The following GALNT16 variants were observed in gnomAD, a reference collection of about 807,000 sequenced individuals.
GALNT16 encodes the protein polypeptide N-acetylgalactosaminyltransferase 16.
GALNT16 carries 40 observed loss-of-function variants against 76.1 expected under a neutral mutation model. The ratio of observed to expected loss-of-function variants is 0.53; its 90% CI spans 0.41 to 0.68. GALNT16 has a LOEUF of 0.68. Ranked by LOEUF, GALNT16 falls within the 30% of genes least tolerant of loss-of-function variation. The pLI, the probability that GALNT16 is intolerant of heterozygous loss-of-function variation, is 0.00. For synonymous variants in GALNT16, 276 were observed against 285.2 expected (o/e 0.97, Z 0.32); for missense variants, 621 against 731.9 (o/e 0.85, Z 1.75).
intron 2 of GALNT16, among the ~76,000 whole-genome samples, chr14:69,323,306 A>T (rs2045230811): frequency 6.6e-6 from 1 of 152,204 alleles, no homozygotes; most frequent in African/African-American, 2.4e-5. Context: ...GGCTCCTGGG[A>T]GCCAGATAAA....
Position 69,326,005 on chromosome 14 carries a change from C to T in GALNT16, c.546C>T (p.Cys182=). ...TGACCAGGATCCCCAAGGTCAAGTG[C>T]CTGCGCAATGATCGGCGGGAAGGTG... ...LLLTRIPKVK[C]LRNDRREGLI... The change falls in exon 5 of 15, where the codon TGC becomes TGT. Residue 182 remains cysteine (C), a synonymous_variant. Transcript: ENST00000448469. 1.2e-6 allele frequency: 2 copies of T among 1,613,968 alleles called. No homozygotes were observed. The highest frequency in any genetic ancestry group is 1.7e-6 in the Non-Finnish European group (2 of 1,179,872).
chr14:69,280,349 A>G (rs896099806), intron 1 of GALNT16, among the ~76,000 whole-genome samples: 1 of 152,216 alleles, frequency 6.6e-6, no homozygotes, highest in African/African-American at 2.4e-5. Context: ...GTGTTCATCC[A>G]TGTTGTAGCA....
chr14:69,329,882 A>AC (rs2045331582), intron 6 of GALNT16, among the ~76,000 whole-genome samples: 1 of 151,782 alleles, frequency 6.6e-6, no homozygotes, highest in Non-Finnish European at 1.5e-5. Context: ...TGACCCAAAC[A>AC]CCCCTAACTA....
chr14:69,296,732 A>AGATCGATC (rs553412908), intron 1 of GALNT16, among the ~76,000 whole-genome samples: 5 of 75,132 alleles, frequency 6.7e-5, no homozygotes, highest in East Asian at 3.6e-4. Flanking sequence ...GATAGATGAT[A>AGATCGATC]GATAGATAGA....
rs375649872 is a variant in GALNT16 at position 69,260,462 on chromosome 14, C to T, written c.172C>T (p.Leu58Phe). 53 of 1,491,220 alleles carry T rather than the reference C, an allele frequency of 3.6e-5. No individual in the cohort carries two copies. In the African/African-American group the frequency reaches 7.1e-4, roughly 20 times the overall value. 92.4% of individuals were successfully genotyped at this position (1,491,220 alleles called of 1,614,324 possible). Residue 58 changes from leucine to phenylalanine, a missense_variant, in exon 1 of 15, where the codon CTC (leucine) becomes TTC (phenylalanine). Physicochemically the swap from Leu to Phe is conservative, Grantham distance 22. Coordinates refer to ENST00000448469, the MANE Select transcript of GALNT16 (RefSeq NM_001168368.2). The stretch of plus-strand genomic sequence containing the variant: ...GCTCCGCGAGGACCGCACCATCCCG[C>T]TCATTGTGAGTACGCCCCGAGCGTC... ...EQLREDRTIP[L>F]IVTGTPSKGF...
the GALNT16 span, among the ~76,000 whole-genome samples, chr14:69,378,625 A>C: frequency 5.3e-5 from 8 of 152,170 alleles, no homozygotes; most frequent in African/African-American, 9.7e-5. Flanking sequence ...GCTTTTAATG[A>C]TTCCAAACAC....
In GALNT16 at chr14:69,347,168, C is replaced by G. The variant is rs760810166; in HGVS notation, c.1400C>G (p.Pro467Arg). Residue 467 changes from proline (P) to arginine (R), a missense_variant, in exon 13 of 15, where the codon CCG becomes CGG. Pro to Arg is a moderately radical substitution (Grantham distance 103, BLOSUM62 -2). Coordinates refer to ENST00000448469, the MANE Select transcript of GALNT16 (RefSeq NM_001168368.2). ...MGICRGSAKN[P>R]QPAQAWLFSD... ...ATCTGCAGAGGGTCTGCCAAGAACCCGCAGCCCGCCCAGGTAAGGACCTCG... is the reference window on the plus strand; with the variant it reads ...ATCTGCAGAGGGTCTGCCAAGAACCGGCAGCCCGCCCAGGTAAGGACCTCG... 3 of 1,609,202 alleles carry G rather than the reference C, an allele frequency of 1.9e-6. No individual in the cohort carries two copies. The African/African-American group carries it at 4.0e-5, about 22-fold the overall frequency.
downstream of GALNT16, chr14:69,356,264 G>A (rs2045691806): frequency 6.6e-6 from 1 of 152,234 alleles, no homozygotes; most frequent in Non-Finnish European, 1.5e-5. Context: ...AGCCATCTGA[G>A]GACAATTTCT....
upstream of GALNT16, chr14:69,259,866 G>A (rs906389395): frequency 1.8e-5 from 3 of 170,230 alleles, no homozygotes; most frequent in African/African-American, 7.2e-5. Context: ...GTCACCTAGC[G>A]GTGGGAGCCG....
At chr14:69,378,993 G>A in the GALNT16 span, among the ~76,000 whole-genome samples, 3 of 152,008 alleles carry the variant, frequency 2.0e-5, no homozygotes, top group Non-Finnish European at 4.4e-5. Context: ...GAGTGCAGTG[G>A]TGCAATCTCG....
the GALNT16 span, among the ~76,000 whole-genome samples, chr14:69,381,099 TGG>T: frequency 6.6e-6 from 1 of 152,168 alleles, no homozygotes; most frequent in African/African-American, 2.4e-5. Flanking sequence ...CTGGCCAACA[TGG>T]TGAAACCTTG....
rs771242925 is a variant in GALNT16, at chr14:69,338,801, G to A, written c.1094+24G>A. The stretch of plus-strand genomic sequence containing the variant: ...AGGTAGGTCACCGAGAAAGGAGCAC[G>A]GGACTCAGAGGAGGACACCAAGGCC... On this transcript the variant is annotated intron_variant, in intron 10 of 14. Transcript: ENST00000448469. The A allele has an allele frequency of 4.8e-5, 76 of 1,589,786 alleles. No individual in the cohort carries two copies. In the Admixed American group the frequency reaches 8.4e-4, roughly 18 times the overall value.
At chr14:69,323,213 C>T (rs2045229197) in intron 2 of GALNT16, among the ~76,000 whole-genome samples, 1 of 152,210 alleles carries the variant, frequency 6.6e-6, no homozygotes, top group Non-Finnish European at 1.5e-5. Flanking sequence ...CCACATAAGA[C>T]AGGCCGAGGA....
At chr14:69,328,332 C>A (rs1259233706) in intron 5 of GALNT16, 118 bp from the exon 6 acceptor site, 7 of 1,052,362 alleles carry the variant, frequency 6.7e-6, no homozygotes, top group Non-Finnish European at 9.7e-6. Context: ...CAAATCTAAT[C>A]ACAATAACTC....
intron 1 of GALNT16, among the ~76,000 whole-genome samples, chr14:69,315,521 C>T (rs2045087718): frequency 6.6e-6 from 1 of 152,182 alleles, no homozygotes; most frequent in Non-Finnish European, 1.5e-5. Context: ...GATGGAACCC[C>T]CAGTCTCAAA....
At chr14:69,370,968 G>A in the GALNT16 span, among the ~76,000 whole-genome samples, 1 of 152,302 alleles carries the variant, frequency 6.6e-6, no homozygotes, top group African/African-American at 2.4e-5. Context: ...AATATTTCTT[G>A]AAATAGCTTG....
chr14:69,317,632 A>G (rs1008695302), intron 1 of GALNT16, among the ~76,000 whole-genome samples: 1 of 152,222 alleles, frequency 6.6e-6, no homozygotes, highest in African/African-American at 2.4e-5. Flanking sequence ...CAGGGCAGAC[A>G]TTGAATCAGG....
chr14:69,264,490 T>C (rs1224672096), intron 1 of GALNT16, among the ~76,000 whole-genome samples: 1 of 152,152 alleles, frequency 6.6e-6, no homozygotes, highest in African/African-American at 2.4e-5. Context: ...ACAGGAACCC[T>C]TGAGGCCTCG....
At chr14:69,323,381 G>A (rs1204537359) in intron 2 of GALNT16, among the ~76,000 whole-genome samples, 1 of 152,206 alleles carries the variant, frequency 6.6e-6, no homozygotes, top group East Asian at 1.9e-4. Context: ...GGAGCCGGTG[G>A]GGAGGTCAAG....
Sources: allele counts gnomAD v4.1 joint callset (sites outside exome capture counted in the v4.1 genomes callset), GRCh38; gene constraint gnomAD v4.1.1; transcripts MANE v1.5; gene names NCBI Gene and HGNC (gene_info 2026-07-23, HGNC 2026-07-21).